Variants in FBLN5 observed in about 807,000 individuals in gnomAD.
FBLN5 encodes the protein fibulin 5, also known as fibulin-5.
Under a neutral mutation model 61.6 loss-of-function variants are expected in FBLN5, and 24 were observed. That is an observed-to-expected ratio of 0.39 (90% CI 0.28 to 0.55). The LOEUF is 0.55. Among genes scored for constraint, FBLN5 ranks in the 20% least tolerant of loss-of-function variants. The probability of loss-of-function intolerance (pLI) is 0.65; values close to 1 mark genes in which losing one functional copy is unlikely to be tolerated. For synonymous variants in FBLN5, 213 were observed against 219.8 expected (o/e 0.97, Z 0.27); for missense variants, 470 against 594.1 (o/e 0.79, Z 2.17).
chr14:91,901,140 G>C (rs1018948390), intron 4 of FBLN5, among the ~76,000 whole-genome samples: 1 of 152,200 alleles, frequency 6.6e-6, no homozygotes, highest in Middle Eastern at 3.2e-3. Context: ...ATAAAGGTAC[G>C]TGTGCCTAAT....
intron 4 of FBLN5, among the ~76,000 whole-genome samples, chr14:91,913,678 T>C (rs1891058689): frequency 6.6e-6 from 1 of 152,250 alleles, no homozygotes; most frequent in Admixed American, 6.5e-5. Context: ...CACTCAACTA[T>C]CATTCAATTA....
chr14:91,899,198 C>T lies in FBLN5; in HGVS notation c.380-4126G>A, dbSNP rs144882422. On this transcript the variant is annotated intron_variant, in intron 4 of 10. Transcript: ENST00000342058. ...CCTCCATGACCTTTGGAAGAGCTGGCATCAAGCATATTCCCTCCCGCTGTA... is the reference window on the plus strand; with the variant it reads ...CCTCCATGACCTTTGGAAGAGCTGGTATCAAGCATATTCCCTCCCGCTGTA... Among the ~76,000 whole-genome samples the T allele has an allele frequency of 3.1e-3, 466 of 152,200 alleles. 3 individuals are homozygous for T. The highest frequency in any genetic ancestry group is 0.01 in the African/African-American group (429 of 41,514).
chr14:91,892,617 C>A (rs954360325), intron 5 of FBLN5, among the ~76,000 whole-genome samples: 2 of 152,234 alleles, frequency 1.3e-5, no homozygotes, highest in South Asian at 2.1e-4. Context: ...GCATAGAGGG[C>A]CCATTGGCTG....
intron 4 of FBLN5, among the ~76,000 whole-genome samples, chr14:91,904,027 C>T (rs1055319110): frequency 5.9e-5 from 9 of 152,200 alleles, no homozygotes; most frequent in Admixed American, 5.2e-4. Flanking sequence ...TTTGGCAACA[C>T]TGAGAGTTAA....
intron 1 of FBLN5, chr14:91,946,798 G>C: frequency 6.5e-7 from 1 of 1,535,698 alleles, no homozygotes; most frequent in Non-Finnish European, 8.7e-7. Flanking sequence ...CCAGCCCCGC[G>C]GTGTTCAGCT....
chr14:91,876,453 G>T (rs117055435), intron 10 of FBLN5, among the ~76,000 whole-genome samples: 1,796 of 152,320 alleles, frequency 0.012, 26 homozygotes, highest in Middle Eastern at 0.02. Context: ...CTTGGAACCC[G>T]TTCCGTTATA....
Position 91,943,024 on chromosome 14 carries a change from T to C in FBLN5, c.18-63A>G. On this transcript the variant is annotated intron_variant, in intron 1 of 10. Transcript: ENST00000342058. The surrounding 1 kb of genome is among the most constrained non-coding windows in gnomAD (Gnocchi z 4.0). Reference sequence around the variant, plus strand: ...AGATTCAGGTCTAGGGGAGTGTGGGTCGCATGCGGCCCGTGACGTGTAACG... The same window carrying C: ...AGATTCAGGTCTAGGGGAGTGTGGGCCGCATGCGGCCCGTGACGTGTAACG... 9.1e-6 allele frequency: 10 copies of C among 1,093,170 alleles called. No homozygotes were observed. Among genetic ancestry groups the C allele is most frequent in the Non-Finnish European group, 1.2e-5 (9 of 728,030 alleles). The allele number at this position is 1,093,170 out of a possible 1,614,324, so 67.7% of individuals were successfully genotyped here.
rs756955756 is a variant in FBLN5, at chr14:91,937,181, T to A, written c.145A>T (p.Ile49Phe). The stretch of plus-strand genomic sequence containing the variant: ...ATGTCTCCTCGGCAGGCCTCGGGGA[T>A]GGTTCGGCATTCATCAATATCTGAA... ...QCLDIDECRT[I>F]PEACRGDMMC... The change falls in exon 4 of 11, where the codon ATC (isoleucine) becomes TTC (phenylalanine). Residue 49 changes from isoleucine (I) to phenylalanine (F), a missense_variant. Coordinates refer to ENST00000342058, the MANE Select transcript of FBLN5 (RefSeq NM_006329.4). 4 of 1,614,106 alleles carry A rather than the reference T, an allele frequency of 2.5e-6. No individual in the cohort carries two copies. In the South Asian group the frequency reaches 4.4e-5, roughly 18 times the overall value.
intron 6 of FBLN5, 21 bp from the exon 7 acceptor site, chr14:91,887,333 T>C (rs1482291328): frequency 1.9e-6 from 3 of 1,610,014 alleles, no homozygotes; most frequent in Non-Finnish European, 2.5e-6. Flanking sequence ...CCAAGGCACA[T>C]TGCTGACTGT....
intron 5 of FBLN5, among the ~76,000 whole-genome samples, chr14:91,893,980 C>T (rs933284412): frequency 6.6e-6 from 1 of 152,244 alleles, no homozygotes; most frequent in African/African-American, 2.4e-5. Flanking sequence ...AGCATTATTT[C>T]TAACTAAAGC....
rs151030175 is a variant in FBLN5, at chr14:91,915,344, G to A, written c.380-20272C>T. 6.8e-3 allele frequency among the ~76,000 whole-genome samples: 1,038 copies of A among 152,044 alleles called. 2 individuals carry two copies. Among genetic ancestry groups the A allele is most frequent in the Non-Finnish European group, 8.8e-3 (600 of 67,994 alleles). The stretch of plus-strand genomic sequence containing the variant: ...TAGAAAAAGGTAACTATGTAAAACT[G>A]ACTTAAGAAGAAACAGAAAGTGCAA... On this transcript the variant is annotated intron_variant, in intron 4 of 10. Coordinates refer to ENST00000342058, the MANE Select transcript of FBLN5 (RefSeq NM_006329.4).
chr14:91,930,588 G>C (rs1256064525), intron 4 of FBLN5, among the ~76,000 whole-genome samples: 1 of 152,200 alleles, frequency 6.6e-6, no homozygotes, highest in East Asian at 1.9e-4. Flanking sequence ...CCTGAGGACT[G>C]AGTTTCAAGT....
At chr14:91,873,796 G>T (rs1287810304) in intron 10 of FBLN5, 1 of 152,260 alleles carries the variant, frequency 6.6e-6, no homozygotes, top group Non-Finnish European at 1.5e-5. Context: ...ACACACTCAG[G>T]TTTATTCTAA....
At position 91,947,544 on chromosome 14, in the gene FBLN5, A is replaced by C. The variant is rs1358332660; in HGVS notation, c.-315T>G. On this transcript the variant is annotated 5_prime_UTR_variant, in exon 1 of 11. Transcript: ENST00000342058. This position sits in a 1 kb window ranked among gnomAD's most constrained non-coding sequence, Gnocchi z 4.3. The stretch of plus-strand genomic sequence containing the variant: ...TGTTAAACAATGCAAATGGGGCCTC[A>C]GTCTGGACACAGCTGGTTCAGATTA... The C allele has an allele frequency of 2.4e-5, 12 of 494,466 alleles. No homozygotes were observed. The East Asian group carries it at 4.5e-4, about 19-fold the overall frequency. The allele number at this position is 494,466 out of a possible 1,614,324, so 30.6% of individuals were successfully genotyped here. A position where few individuals can be genotyped will look rare whatever the true frequency, so the allele number is the denominator to read the frequency against.
chr14:91,897,619 G>A (rs995167111), intron 4 of FBLN5, among the ~76,000 whole-genome samples: 5 of 152,326 alleles, frequency 3.3e-5, no homozygotes, highest in Admixed American at 3.3e-4. Context: ...GAAACCAGAC[G>A]CATGCCAGCA....
chr14:91,875,423 G>A (rs1889120764), intron 10 of FBLN5, among the ~76,000 whole-genome samples: 1 of 152,164 alleles, frequency 6.6e-6, no homozygotes, highest in Admixed American at 6.5e-5. Context: ...ACATCTGTAT[G>A]AGACATAGCC....
intron 4 of FBLN5, among the ~76,000 whole-genome samples, chr14:91,915,403 C>T (rs1032061345): frequency 2.6e-5 from 4 of 151,818 alleles, no homozygotes; most frequent in East Asian, 3.9e-4. Context: ...TATATCGTAG[C>T]GGCCAAGCAC....
At chr14:91,870,949 T>C (rs1025679984) in intron 10 of FBLN5, among the ~76,000 whole-genome samples, 2 of 152,138 alleles carry the variant, frequency 1.3e-5, no homozygotes, top group African/African-American at 4.8e-5. Context: ...GGGTTTGGCA[T>C]TGAGTACATA....
rs867035038 is a variant in FBLN5 at position 91,870,654 on chromosome 14, C to A, written c.1186-269G>T. ...CCCCTGCGACCTCTGACGCTGCAGC[C>A]TTTACTTTGTACAGGATGGAAAGCA... On this transcript the variant is annotated intron_variant, in intron 10 of 10. Coordinates refer to ENST00000342058, the MANE Select transcript of FBLN5 (RefSeq NM_006329.4). Among the ~76,000 whole-genome samples, 195 of 152,212 alleles carry A rather than the reference C, an allele frequency of 1.3e-3. 1 individual carries two copies. The highest frequency in any genetic ancestry group is 4.4e-3 in the African/African-American group (184 of 41,454).
Sources: gnomAD v4.1 joint callset for allele counts (sites outside exome capture counted in the v4.1 genomes callset) on GRCh38, gnomAD v4.1.1 for gene constraint, Gnocchi (gnomAD v3.1) non-coding constraint, MANE v1.5 for transcripts, NCBI Gene and HGNC (gene_info 2026-07-23, HGNC 2026-07-21) for gene names.